The following EPB41L4A variants were observed in gnomAD, a reference collection of about 807,000 sequenced individuals.
EPB41L4A encodes the protein band 4.1-like protein 4A.
In EPB41L4A, 100 loss-of-function variants were observed where a neutral mutation model predicts 108.6. That is an observed-to-expected ratio of 0.92 (90% CI 0.78 to 1.09). EPB41L4A has a LOEUF of 1.09. Ranked by LOEUF, EPB41L4A falls within the 50% of genes least tolerant of loss-of-function variation. The pLI is 0.00. For synonymous variants in EPB41L4A, 319 were observed against 289.0 expected, an observed-to-expected ratio of 1.10 and a Z score of -1.05; for missense variants, 1,030 against 842.7, an observed-to-expected ratio of 1.22 and a Z score of -2.75.
At chr5:112,359,303 C>T (rs996856981) in intron 1 of EPB41L4A, among the ~76,000 whole-genome samples, 1 of 152,148 alleles carries the variant, frequency 6.6e-6, no homozygotes, top group African/African-American at 2.4e-5. Flanking sequence ...AGGTAAAGAA[C>T]ACAAATAAGA....
At chr5:112,386,163 A>T (rs892425938) in intron 1 of EPB41L4A, among the ~76,000 whole-genome samples, 8 of 152,234 alleles carry the variant, frequency 5.3e-5, no homozygotes, top group African/African-American at 1.9e-4. Context: ...GACATAACGA[A>T]GGCATTATCA....
chr5:112,169,139 A>G, intron 20 of EPB41L4A, 34 bp from the exon 21 acceptor site: 1 of 1,457,780 alleles, frequency 6.9e-7, no homozygotes, highest in Non-Finnish European at 9.6e-7. Flanking sequence ...GAAAACAAAC[A>G]CCCAAAGTCA....
rs577200534 is a variant in EPB41L4A at position 112,315,903 on chromosome 5, A to T, written c.100-8413T>A. On this transcript the variant is annotated intron_variant, in intron 1 of 22. Coordinates refer to ENST00000261486, the MANE Select transcript of EPB41L4A (RefSeq NM_022140.5). ...CTGATTTTTTATAACTAATCAGCAA[A>T]ACTTCATCTCAATGTAACAATATAT... Among the ~76,000 whole-genome samples the T allele has an allele frequency of 2.6e-5, 4 of 152,326 alleles. No homozygotes were observed. In the East Asian group the frequency reaches 7.7e-4, roughly 29 times the overall value.
At chr5:112,375,547 G>A (rs1759765963) in intron 1 of EPB41L4A, among the ~76,000 whole-genome samples, 1 of 152,108 alleles carries the variant, frequency 6.6e-6, no homozygotes, top group Non-Finnish European at 1.5e-5. Context: ...AGAATTATCT[G>A]ATAAAGCTTT....
intron 4 of EPB41L4A, among the ~76,000 whole-genome samples, chr5:112,270,463 A>T (rs1752179707): frequency 6.6e-6 from 1 of 152,228 alleles, no homozygotes; most frequent in Non-Finnish European, 1.5e-5. Flanking sequence ...TCATAACATG[A>T]TATTAAATAA....
At position 112,194,617 on chromosome 5, in the gene EPB41L4A, C is replaced by A; in HGVS notation, c.1453G>T (p.Gly485Cys). Residue 485 changes from glycine to cysteine, a missense_variant, in exon 17 of 23, where the codon GGT becomes TGT. Coordinates refer to ENST00000261486, the MANE Select transcript of EPB41L4A (RefSeq NM_022140.5). ...CTATTAGAATTTTCTGATTCACTAC[C>A]ACTGCTGGTGTTACAGCGTGAACGT... Reference protein sequence around the residue: ...RSRSRCNTSSGSESENSNREY... With the variant: ...RSRSRCNTSSCSESENSNREY... 1 of 1,606,582 alleles carries A rather than the reference C, an allele frequency of 6.2e-7. No individual in the cohort carries two copies. Among genetic ancestry groups the A allele is most frequent in the South Asian group, 1.1e-5 (1 of 89,542 alleles).
chr5:112,394,349 T>G (rs1006879537), intron 1 of EPB41L4A, among the ~76,000 whole-genome samples: 1 of 152,166 alleles, frequency 6.6e-6, no homozygotes, highest in Non-Finnish European at 1.5e-5. Context: ...CACCATAATC[T>G]CGGCCCAAAA....
At chr5:112,356,074 T>C (rs1358018867) in intron 1 of EPB41L4A, among the ~76,000 whole-genome samples, 2 of 152,132 alleles carry the variant, frequency 1.3e-5, no homozygotes, top group Non-Finnish European at 2.9e-5. Context: ...AGAGATAACT[T>C]ATGTTAAATT....
chr5:112,348,827 G>C (rs1257220599), intron 1 of EPB41L4A, among the ~76,000 whole-genome samples: 1 of 152,140 alleles, frequency 6.6e-6, no homozygotes, highest in African/African-American at 2.4e-5. Flanking sequence ...AATCTCACTA[G>C]AGCCCATCCC....
chr5:112,381,961 AT>A (rs1440271422), intron 1 of EPB41L4A, among the ~76,000 whole-genome samples: 1 of 152,268 alleles, frequency 6.6e-6, no homozygotes, highest in Non-Finnish European at 1.5e-5. Flanking sequence ...AATTCTAAAA[AT>A]GTCTGCAAAT....
At chr5:112,351,635 G>A (rs775542305) in intron 1 of EPB41L4A, among the ~76,000 whole-genome samples, 1 of 152,126 alleles carries the variant, frequency 6.6e-6, no homozygotes, top group Non-Finnish European at 1.5e-5. Context: ...TTACGCTGAT[G>A]CCAAAACCAG....
At chr5:112,219,337 C>T (rs893021845) in intron 12 of EPB41L4A, among the ~76,000 whole-genome samples, 1 of 152,146 alleles carries the variant, frequency 6.6e-6, no homozygotes, top group Non-Finnish European at 1.5e-5. Context: ...CCCCTGCTGG[C>T]ACTCATTCTC....
rs1416002065 is a variant in EPB41L4A at position 112,169,036 on chromosome 5, G to C, written c.1809C>G (p.Ser603=). ...SPRSYRQYRR[S]QCSDGERSVL... is the part of the protein sequence containing the mutation. Reference sequence around the variant, plus strand: ...CTGATCGCTCCCCATCTGAACACTGGGACCTGCGATACTGGCGGTAACTTC... The same window carrying C: ...CTGATCGCTCCCCATCTGAACACTGCGACCTGCGATACTGGCGGTAACTTC... The change falls in exon 21 of 23, where the codon TCC becomes TCG. Residue 603 remains serine (S), a synonymous_variant. Transcript: ENST00000261486. 6.2e-7 allele frequency: 1 copy of C among 1,614,104 alleles called. No individual in the cohort carries two copies. Among genetic ancestry groups the C allele is most frequent in the African/African-American group, 1.3e-5 (1 of 75,024 alleles).
chr5:112,265,097 C>A lies in EPB41L4A; in HGVS notation c.434-81G>T, dbSNP rs1038041588. ...ATAGAAATAAAATATTCCTAACATG[C>A]TTAAACATTTTTTCAAATGTCTTAC... On this transcript the variant is annotated intron_variant, in intron 5 of 22. Transcript: ENST00000261486. The A allele has an allele frequency of 1.4e-5, 17 of 1,233,104 alleles. No individual in the cohort carries two copies. In the South Asian group the frequency reaches 1.9e-4, roughly 14 times the overall value. The allele number at this position is 1,233,104 out of a possible 1,614,324, so 76.4% of individuals were successfully genotyped here.
chr5:112,206,531 A>G (rs1762481256), intron 13 of EPB41L4A, among the ~76,000 whole-genome samples: 1 of 152,248 alleles, frequency 6.6e-6, no homozygotes, highest in African/African-American at 2.4e-5. Context: ...CAATTCCCAA[A>G]GTAAAAGCTT....
At chr5:112,239,036 C>T (rs1749576021) in intron 11 of EPB41L4A, among the ~76,000 whole-genome samples, 1 of 152,138 alleles carries the variant, frequency 6.6e-6, no homozygotes, top group African/African-American at 2.4e-5. Context: ...ATCCCACTTC[C>T]CCGCTTCCTA....
At chr5:112,213,563 G>C (rs1747391307) in intron 12 of EPB41L4A, among the ~76,000 whole-genome samples, 1 of 152,082 alleles carries the variant, frequency 6.6e-6, no homozygotes, top group Non-Finnish European at 1.5e-5. Flanking sequence ...TGGACAGGCT[G>C]GTCTCAAACT....
intron 2 of EPB41L4A, among the ~76,000 whole-genome samples, chr5:112,293,109 T>C (rs1328556475): frequency 6.6e-6 from 1 of 152,168 alleles, no homozygotes; most frequent in Admixed American, 6.5e-5. Context: ...GATATATGGA[T>C]ATATATATAC....
chr5:112,232,036 G>A (rs1262257430), intron 12 of EPB41L4A, among the ~76,000 whole-genome samples: 2 of 150,654 alleles, frequency 1.3e-5, no homozygotes, highest in East Asian at 3.9e-4. Context: ...GATTGCTTGA[G>A]CCATAAGTTC....
Sources: allele counts gnomAD v4.1 joint callset (sites outside exome capture counted in the v4.1 genomes callset), GRCh38; gene constraint gnomAD v4.1.1; transcripts MANE v1.5; gene names NCBI Gene and HGNC (gene_info 2026-07-23, HGNC 2026-07-21).